Variants in FRMD4B observed in about 807,000 individuals in gnomAD.
FRMD4B encodes FERM domain-containing protein 4B.
Under a neutral mutation model 141.5 loss-of-function variants are expected in FRMD4B, and 74 were observed. The ratio of observed to expected loss-of-function variants is 0.52; its 90% CI spans 0.43 to 0.63. The LOEUF (loss-of-function observed/expected upper bound fraction) is 0.63, where lower values mean the gene tolerates loss of function less well. Ranked by LOEUF, FRMD4B falls within the 30% of genes least tolerant of loss-of-function variation. The pLI is 0.00. For missense variants in FRMD4B, 1,366 were observed against 1,253.4 expected (o/e 1.09, Z -1.36); for synonymous variants, 506 against 467.9 (o/e 1.08, Z -1.05).
intron 1 of FRMD4B, among the ~76,000 whole-genome samples, chr3:69,449,173 AT>A (rs1705454809): frequency 6.6e-6 from 1 of 152,214 alleles, no homozygotes; most frequent in Admixed American, 6.5e-5. Flanking sequence ...ACTTAATAAG[AT>A]ACCATGTATT....
At chr3:69,416,279 ATTTTT>A (rs1313005294) in intron 2 of FRMD4B, among the ~76,000 whole-genome samples, 1 of 152,152 alleles carries the variant, frequency 6.6e-6, no homozygotes, top group South Asian at 2.1e-4. Context: ...TTTATTAAAA[ATTTTT>A]TTGTAGAGAC....
intron 1 of FRMD4B, among the ~76,000 whole-genome samples, chr3:69,369,044 A>G (rs1053922197): frequency 2.6e-5 from 4 of 152,116 alleles, no homozygotes; most frequent in Non-Finnish European, 5.9e-5. Context: ...ATTAATAGTA[A>G]TTTTCTAAAG....
intron 11 of FRMD4B, among the ~76,000 whole-genome samples, chr3:69,206,322 C>G (rs1044028389): frequency 6.6e-6 from 1 of 152,116 alleles, no homozygotes; most frequent in Non-Finnish European, 1.5e-5. Context: ...TGCACTCCAG[C>G]CTGGGCGACA....
intron 1 of FRMD4B, among the ~76,000 whole-genome samples, chr3:69,468,393 T>G (rs1234011609): frequency 6.6e-6 from 1 of 152,180 alleles, no homozygotes; most frequent in Admixed American, 6.5e-5. Flanking sequence ...TTCCCAAATA[T>G]TCCACTCAGT....
chr3:69,539,016 C>G (rs970840986), intron 1 of FRMD4B, among the ~76,000 whole-genome samples: 8 of 152,180 alleles, frequency 5.3e-5, no homozygotes, highest in African/African-American at 1.9e-4. Context: ...AGCCTCAGCA[C>G]TCCCGAACAT....
At chr3:69,226,236 C>G (rs1264087190) in intron 7 of FRMD4B, among the ~76,000 whole-genome samples, 1 of 152,126 alleles carries the variant, frequency 6.6e-6, no homozygotes, top group Non-Finnish European at 1.5e-5. Flanking sequence ...GAATAAATCT[C>G]TCTATTCATT....
At chr3:69,413,801 C>A (rs1704802352) in intron 2 of FRMD4B, among the ~76,000 whole-genome samples, 1 of 152,082 alleles carries the variant, frequency 6.6e-6, no homozygotes, top group South Asian at 2.1e-4. Context: ...CCCTGCATCT[C>A]CTATGCCGGG....
In FRMD4B at chr3:69,421,905, C is replaced by T. The variant is rs1210419141; in HGVS notation, c.-1+10729G>A. Reference sequence around the variant, plus strand: ...CTTTCTTAATTGATAGGAAACAACGCTACTGGAATTTCGTGGCATAACCAT... The same window carrying T: ...CTTTCTTAATTGATAGGAAACAACGTTACTGGAATTTCGTGGCATAACCAT... On this transcript the variant is annotated intron_variant, in intron 2 of 5. Transcript: ENST00000459638. Among the ~76,000 whole-genome samples, 4 of 152,286 alleles carry T rather than the reference C, an allele frequency of 2.6e-5. No individual in the cohort carries two copies. The East Asian group carries it at 5.8e-4, about 22-fold the overall frequency.
chr3:69,286,309 T>A (rs536233176), intron 5 of FRMD4B, among the ~76,000 whole-genome samples: 1 of 152,342 alleles, frequency 6.6e-6, no homozygotes, highest in East Asian at 1.9e-4. Flanking sequence ...ACAAAAATAA[T>A]AATGTCATGT....
chr3:69,400,301 CG>C (rs1559516620), intron 2 of FRMD4B, among the ~76,000 whole-genome samples: 1 of 151,716 alleles, frequency 6.6e-6, no homozygotes, highest in Non-Finnish European at 1.5e-5. Flanking sequence ...TTTGAATCCA[CG>C]GGTTTGAAGA....
intron 11 of FRMD4B, among the ~76,000 whole-genome samples, chr3:69,211,300 C>T (rs1220927342): frequency 6.6e-6 from 1 of 152,150 alleles, no homozygotes; most frequent in African/African-American, 2.4e-5. Context: ...ACAACATGCT[C>T]AAGGTGGCAC....
At chr3:69,384,741 C>A (rs1704207222) in intron 1 of FRMD4B, among the ~76,000 whole-genome samples, 1 of 152,224 alleles carries the variant, frequency 6.6e-6, no homozygotes, top group Admixed American at 6.5e-5. Context: ...GGGACGCTGA[C>A]TCTTTAGACT....
chr3:69,244,211 G>A (rs2093408222), intron 7 of FRMD4B, among the ~76,000 whole-genome samples: 1 of 152,148 alleles, frequency 6.6e-6, no homozygotes, highest in South Asian at 2.1e-4. Context: ...AAAAAGATGG[G>A]AAAGGAAAGG....
chr3:69,438,158 T>C (rs1158423451), intron 1 of FRMD4B, among the ~76,000 whole-genome samples: 1 of 150,840 alleles, frequency 6.6e-6, no homozygotes, highest in Non-Finnish European at 1.5e-5. Context: ...GGCTGGAGTG[T>C]AGTGGTGCGA....
rs1450168280 is a variant in FRMD4B at position 69,385,900 on chromosome 3, T to G, written c.90A>C (p.Arg30Ser). 4 of 1,603,716 alleles carry G rather than the reference T, an allele frequency of 2.5e-6. No individual in the cohort carries two copies. The highest frequency in any genetic ancestry group is 3.4e-6 in the Non-Finnish European group (4 of 1,175,772). ...VWNLTVSTLRRWYTERLRACH... is the reference protein window; with the variant it reads ...VWNLTVSTLRSWYTERLRACH... The stretch of plus-strand genomic sequence containing the variant: ...AAGCCCGCAGCCTCTCCGTGTACCA[T>G]CTCCGCAGCGTGGACACGGTCAAGT... The change falls in exon 1 of 23, where the codon AGA (arginine) becomes AGC (serine). Residue 30 changes from arginine (R) to serine (S), a missense_variant. Arg to Ser is a moderately radical substitution (Grantham distance 110, BLOSUM62 -1). Transcript: ENST00000398540.
intron 4 of FRMD4B, among the ~76,000 whole-genome samples, chr3:69,291,875 T>C (rs556982956): frequency 6.6e-6 from 1 of 151,264 alleles, no homozygotes; most frequent in Non-Finnish European, 1.5e-5. Context: ...GCTTCTTCCA[T>C]GCTAGGGATA....
chr3:69,176,689 T>C (rs751055608), intron 21 of FRMD4B, 33 bp from the exon 22 acceptor site: 2 of 1,502,574 alleles, frequency 1.3e-6, no homozygotes, highest in Admixed American at 1.7e-5. Flanking sequence ...ATAAAATTAA[T>C]GGAAATATTA....
intron 1 of FRMD4B, among the ~76,000 whole-genome samples, chr3:69,359,178 G>A (rs1208822564): frequency 6.6e-6 from 1 of 152,102 alleles, no homozygotes; most frequent in East Asian, 1.9e-4. Flanking sequence ...TCATAAATGA[G>A]GTAATTTCAG....
intron 1 of FRMD4B, among the ~76,000 whole-genome samples, chr3:69,491,033 A>T (rs1034942074): frequency 6.6e-6 from 1 of 152,180 alleles, no homozygotes; most frequent in Non-Finnish European, 1.5e-5. Flanking sequence ...CTTCACCTAA[A>T]GGTGCAGCAC....
Sources: gnomAD v4.1 joint callset for allele counts (sites outside exome capture counted in the v4.1 genomes callset) on GRCh38, gnomAD v4.1.1 for gene constraint, MANE v1.5 for transcripts, NCBI Gene and HGNC (gene_info 2026-07-23, HGNC 2026-07-21) for gene names.